BCAR3: variants seen among roughly 807,000 people sequenced by gnomAD.
BCAR3 encodes breast cancer anti-estrogen resistance protein 3.
BCAR3 carries 37 observed loss-of-function variants against 80.1 expected under a neutral mutation model. The observed-to-expected ratio is 0.46, with a 90% CI of 0.36 to 0.61. The LOEUF is 0.61. Ranked by LOEUF, BCAR3 falls within the 20% of genes least tolerant of loss-of-function variation. The probability of loss-of-function intolerance (pLI) is 0.00; values close to 1 mark genes in which losing one functional copy is unlikely to be tolerated. For missense variants in BCAR3, 978 were observed against 1,068.2 expected (o/e 0.92, Z 1.18); for synonymous variants, 389 against 418.9 (o/e 0.93, Z 0.87).
chr1:93,765,955 G>A (rs903654965), intron 2 of BCAR3, among the ~76,000 whole-genome samples: 1 of 152,186 alleles, frequency 6.6e-6, no homozygotes, highest in Non-Finnish European at 1.5e-5. Context: ...ATAAGCCACC[G>A]CTCCTGGCCT....
rs567251768 is a variant in BCAR3 at position 93,755,432 on chromosome 1, G to C, written c.-62-49290C>G. Among the ~76,000 whole-genome samples, 6 of 152,210 alleles carry C rather than the reference G, an allele frequency of 3.9e-5. No homozygotes were observed. The East Asian group carries it at 9.7e-4, about 24-fold the overall frequency. On this transcript the variant is annotated intron_variant, in intron 2 of 13. Coordinates refer to the BCAR3 transcript ENST00000370244. ...CCATTCATGGTAAGTGCCCTATACA[G>C]GTGTACCATTTTAAATCTTTATATT...
intron 3 of BCAR3, among the ~76,000 whole-genome samples, chr1:93,619,100 A>ATTTT (rs34715455): frequency 1.6e-5 from 2 of 126,726 alleles, no homozygotes; most frequent in Non-Finnish European, 3.3e-5. Context: ...CACCACGCCA[A>ATTTT]TTTTTTTTTT....
At chr1:93,846,453 C>G (rs1336093732) in intron 1 of BCAR3, among the ~76,000 whole-genome samples, 1 of 152,278 alleles carries the variant, frequency 6.6e-6, no homozygotes, top group East Asian at 1.9e-4. Flanking sequence ...AGCAACCACG[C>G]GGCTTTGACC....
intron 2 of BCAR3, among the ~76,000 whole-genome samples, chr1:93,759,424 T>C (rs1479494711): frequency 6.6e-6 from 1 of 152,184 alleles, no homozygotes; most frequent in Non-Finnish European, 1.5e-5. Flanking sequence ...GCTGGAAGGC[T>C]GTCTGCCAGA....
At chr1:93,746,113 A>T (rs1301775411) in intron 2 of BCAR3, among the ~76,000 whole-genome samples, 1 of 152,244 alleles carries the variant, frequency 6.6e-6, no homozygotes, top group Non-Finnish European at 1.5e-5. Flanking sequence ...GGTAAAAGGC[A>T]GCTGGCTGTG....
At chr1:93,635,796 T>A (rs1455932838) in intron 3 of BCAR3, among the ~76,000 whole-genome samples, 4 of 152,248 alleles carry the variant, frequency 2.6e-5, no homozygotes. Flanking sequence ...TCTCATGGAA[T>A]GTACAGCGTG....
At chr1:93,570,361 G>C (rs940615797) in intron 9 of BCAR3, among the ~76,000 whole-genome samples, 1 of 152,158 alleles carries the variant, frequency 6.6e-6, no homozygotes, top group Non-Finnish European at 1.5e-5. Flanking sequence ...AGCGGTTTTG[G>C]TGTTACTAGA....
At chr1:93,655,532 C>T (rs1038045278) in intron 2 of BCAR3, among the ~76,000 whole-genome samples, 6 of 152,168 alleles carry the variant, frequency 3.9e-5, no homozygotes, top group Non-Finnish European at 1.5e-5. Flanking sequence ...TAGATCATGC[C>T]TGGCACATGG....
intron 2 of BCAR3, among the ~76,000 whole-genome samples, chr1:93,655,837 T>C (rs1189796422): frequency 1.3e-5 from 2 of 152,076 alleles, no homozygotes; most frequent in African/African-American, 2.4e-5. Context: ...ATGACAAACA[T>C]TTAAGGGATC....
chr1:93,584,093 C>T lies in BCAR3; in HGVS notation c.958G>A (p.Ala320Thr), dbSNP rs144882670. ...CTGTCCTGCATGTGATCCAGGCAGGCGGGCTGGCTACCACTCTTTTCTTTG... is the reference window on the plus strand; with the variant it reads ...CTGTCCTGCATGTGATCCAGGCAGGTGGGCTGGCTACCACTCTTTTCTTTG... ...RNKEKSGSQP[A>T]CLDHMQDRRA... Residue 320 changes from alanine (A) to threonine (T), a missense_variant, in exon 6 of 12, where the codon GCC becomes ACC. Transcript: ENST00000260502. The T allele has an allele frequency of 1.2e-5, 20 of 1,613,934 alleles. No homozygotes were observed. The highest frequency in any genetic ancestry group is 3.3e-5 in the South Asian group (3 of 91,070).
Position 93,751,848 on chromosome 1 carries a change from G to T in BCAR3, c.-62-45706C>A, listed in dbSNP as rs866962108. On this transcript the variant is annotated intron_variant, in intron 2 of 13. Coordinates refer to the BCAR3 transcript ENST00000370244. ...TGGCTGGGGCTGCTGCCCTGGCAAG[G>T]CCTCCCCAGCCTGGCGGGGAACAGC... is the stretch of plus-strand genomic sequence containing the variant. Among the ~76,000 whole-genome samples, 8 of 152,334 alleles carry T rather than the reference G, an allele frequency of 5.3e-5. No homozygotes were observed. In the South Asian group the frequency reaches 1.7e-3, roughly 32 times the overall value.
At chr1:93,771,813 C>G (rs1652364723) in intron 2 of BCAR3, among the ~76,000 whole-genome samples, 2 of 152,296 alleles carry the variant, frequency 1.3e-5, no homozygotes, top group African/African-American at 4.8e-5. Context: ...CACCAGGAAG[C>G]TATCCCTTCT....
chr1:93,844,222 G>A (rs1336480609), intron 2 of BCAR3, among the ~76,000 whole-genome samples: 1 of 152,120 alleles, frequency 6.6e-6, no homozygotes, highest in South Asian at 2.1e-4. Flanking sequence ...CAGGAGAATT[G>A]CTTCAACTCG....
intron 3 of BCAR3, among the ~76,000 whole-genome samples, chr1:93,641,272 A>T (rs920455642): frequency 6.6e-6 from 1 of 152,192 alleles, no homozygotes; most frequent in African/African-American, 2.4e-5. Context: ...TGGTCTTTTA[A>T]AGAGGGAGGA....
At chr1:93,639,404 T>TC (rs1356317224) in intron 3 of BCAR3, among the ~76,000 whole-genome samples, 2 of 151,506 alleles carry the variant, frequency 1.3e-5, no homozygotes, top group Non-Finnish European at 2.9e-5. Flanking sequence ...CCCAGACCTC[T>TC]CTCTTCTATC....
chr1:93,601,579 A>AGTGCAAGACAGTTTTGTGTTT (rs1674625021), intron 3 of BCAR3, among the ~76,000 whole-genome samples: 1 of 152,234 alleles, frequency 6.6e-6, no homozygotes, highest in South Asian at 2.1e-4. Context: ...CCAGCATGCG[A>AGTGCAAGACAGTTTTGTGTTT]GTGCAAGACA....
upstream of BCAR3, among the ~76,000 whole-genome samples, chr1:93,683,665 A>C (rs1648877145): frequency 6.6e-6 from 1 of 152,220 alleles, no homozygotes; most frequent in South Asian, 2.1e-4. Context: ...TATTGAGTGA[A>C]AGAAGCTGGC....
At chr1:93,752,490 T>C (rs776098813) in intron 2 of BCAR3, among the ~76,000 whole-genome samples, 10 of 152,234 alleles carry the variant, frequency 6.6e-5, no homozygotes, top group Non-Finnish European at 1.2e-4. Context: ...AGTTGTGCCA[T>C]CACATGTCAA....
At chr1:93,601,399 C>A (rs1674618042) in intron 3 of BCAR3, among the ~76,000 whole-genome samples, 1 of 152,184 alleles carries the variant, frequency 6.6e-6, no homozygotes, top group African/African-American at 2.4e-5. Context: ...GCAAAGTCAA[C>A]AGTTCCTGGG....
Sources: allele counts gnomAD v4.1 joint callset (sites outside exome capture counted in the v4.1 genomes callset), GRCh38; gene constraint gnomAD v4.1.1; transcripts MANE v1.5; gene names NCBI Gene and HGNC (gene_info 2026-07-23, HGNC 2026-07-21).